MASTL: variants seen among roughly 807,000 people sequenced by gnomAD.
MASTL encodes the protein microtubule associated serine/threonine kinase like.
MASTL carries 54 observed loss-of-function variants against 82.5 expected under a neutral mutation model. That is an observed-to-expected ratio of 0.65 (90% CI 0.53 to 0.82). MASTL has a LOEUF of 0.82. MASTL is among the 40% of genes least tolerant of loss of function. The pLI is 0.00. For synonymous variants in MASTL, 323 were observed against 368.9 expected, an observed-to-expected ratio of 0.88 and a Z score of 1.43; for missense variants, 950 against 1,047.8, an observed-to-expected ratio of 0.91 and a Z score of 1.29.
intron 9 of MASTL, among the ~76,000 whole-genome samples, chr10:27,175,238 A>C (rs1165236561): frequency 6.6e-6 from 1 of 151,964 alleles, no homozygotes; most frequent in Non-Finnish European, 1.5e-5. Flanking sequence ...GCTGGAGTGC[A>C]GTGGCACGAT....
intron 1 of MASTL, among the ~76,000 whole-genome samples, chr10:27,158,246 G>T (rs2057457963): frequency 6.6e-6 from 1 of 152,226 alleles, no homozygotes; most frequent in Non-Finnish European, 1.5e-5. Flanking sequence ...AAGGCAGGGA[G>T]CTGTGGCTTC....
chr10:27,155,378 C>CT lies in MASTL; in HGVS notation c.-48dup, dbSNP rs1156927084. Reference sequence around the variant, plus strand: ...CTTTGAACCCAGTTGGCGGGAGTGGCTGCTCGCGGAGGGGCAGTGTCTGCG... The same window carrying CT: ...CTTTGAACCCAGTTGGCGGGAGTGGCTTGCTCGCGGAGGGGCAGTGTCTGCG... On this transcript the variant is annotated 5_prime_UTR_variant, in exon 1 of 12. Transcript: ENST00000375940. 6.5e-7 allele frequency: 1 copy of CT among 1,538,140 alleles called. No homozygotes were observed. Among genetic ancestry groups the CT allele is most frequent in the African/African-American group, 1.4e-5 (1 of 73,080 alleles).
intron 11 of MASTL, among the ~76,000 whole-genome samples, chr10:27,184,181 C>T (rs2058496920): frequency 6.6e-6 from 1 of 152,146 alleles, no homozygotes; most frequent in South Asian, 2.1e-4. Flanking sequence ...ACAGACACAA[C>T]ATAATGTCAT....
chr10:27,179,679 G>A (rs1259231966), intron 9 of MASTL, among the ~76,000 whole-genome samples: 4 of 152,142 alleles, frequency 2.6e-5, no homozygotes, highest in African/African-American at 9.7e-5. Context: ...TGAAACCATA[G>A]TTTAAGTGAA....
rs769851648 is a variant in MASTL, at chr10:27,170,259, T to C, written c.1300T>C (p.Ser434Pro). ...NQWAVDSGGI[S>P]EEHLGKRSLK... ...GTGGGCTGTGGATTCTGGTGGGATA[T>C]CTGAAGAGCACCTTGGGAAAAGAAG... The change falls in exon 8 of 12, where the codon TCT becomes CCT. Residue 434 changes from serine (S) to proline (P), a missense_variant. Ser to Pro is a moderately conservative substitution (Grantham distance 74). Coordinates refer to ENST00000375940, the MANE Select transcript of MASTL (RefSeq NM_001172303.3). The C allele has an allele frequency of 1.2e-6, 2 of 1,614,000 alleles. No individual in the cohort carries two copies. Among genetic ancestry groups the C allele is most frequent in the South Asian group, 2.2e-5 (2 of 91,090 alleles).
At chr10:27,180,152 G>T (rs187077720) in intron 9 of MASTL, among the ~76,000 whole-genome samples, 268 of 152,284 alleles carry the variant, frequency 1.8e-3, no homozygotes, top group African/African-American at 6.3e-3. Flanking sequence ...GGCTGATGGC[G>T]TGGGCAATAA....
chr10:27,175,649 G>A (rs1000072928), intron 9 of MASTL, among the ~76,000 whole-genome samples: 1 of 152,104 alleles, frequency 6.6e-6, no homozygotes, highest in Non-Finnish European at 1.5e-5. Context: ...CGTGCTCCAT[G>A]TTCATCTCAT....
intron 4 of MASTL, among the ~76,000 whole-genome samples, chr10:27,161,981 T>C (rs1477329846): frequency 6.6e-6 from 1 of 152,206 alleles, no homozygotes; most frequent in Admixed American, 6.5e-5. Context: ...CTGTGTTCTT[T>C]TCACTAGTAG....
At chr10:27,162,358 A>G (rs1308927594) in intron 4 of MASTL, among the ~76,000 whole-genome samples, 1 of 152,170 alleles carries the variant, frequency 6.6e-6, no homozygotes, top group Non-Finnish European at 1.5e-5. Context: ...TTGATTATCA[A>G]CTTAGAAACA....
chr10:27,157,966 G>A (rs917452691), intron 1 of MASTL, among the ~76,000 whole-genome samples: 1 of 152,170 alleles, frequency 6.6e-6, no homozygotes, highest in African/African-American at 2.4e-5. Context: ...TATCAGAACA[G>A]TGGAACAGAA....
chr10:27,158,513 A>G, intron 1 of MASTL, 36 bp from the exon 2 acceptor site: 4 of 1,510,980 alleles, frequency 2.6e-6, no homozygotes, highest in Non-Finnish European at 3.7e-6. Context: ...CTCAAAATAA[A>G]ATAACATGAT....
chr10:27,173,977 T>G (rs1255714073), intron 9 of MASTL, among the ~76,000 whole-genome samples: 1 of 152,182 alleles, frequency 6.6e-6, no homozygotes, highest in African/African-American at 2.4e-5. Flanking sequence ...AGCCTATTCC[T>G]GTTTAGAACT....
chr10:27,165,745 A>C (rs1040208574), intron 6 of MASTL, among the ~76,000 whole-genome samples: 2 of 151,934 alleles, frequency 1.3e-5, no homozygotes, highest in Non-Finnish European at 2.9e-5. Flanking sequence ...CTTCATCTCT[A>C]CAAAAATTAG....
Position 27,180,945 on chromosome 10 carries a change from G to C in MASTL, c.2267-8G>C. The C allele has an allele frequency of 6.4e-7, 1 of 1,563,992 alleles. No homozygotes were observed. The stretch of plus-strand genomic sequence containing the variant: ...TTGCAACTTTAGCTGTTTCCTCTTC[G>C]ATTACAGGTCCTGCGGTAGACTGGT... On this transcript the variant is annotated splice_polypyrimidine_tract_variant and splice_region_variant and intron_variant, in intron 9 of 11. Transcript: ENST00000375940.
rs781592020 is a variant in MASTL at position 27,165,510 on chromosome 10, C to T, written c.782C>T (p.Thr261Met). 8.1e-6 allele frequency: 13 copies of T among 1,614,000 alleles called. No individual in the cohort carries two copies. The highest frequency in any genetic ancestry group is 1.3e-5 in the African/African-American group (1 of 74,908). Residue 261 changes from threonine (T) to methionine (M), a missense_variant, in exon 6 of 12, where the codon ACG (threonine) becomes ATG (methionine). Coordinates refer to ENST00000375940, the MANE Select transcript of MASTL (RefSeq NM_001172303.3). Reference sequence around the variant, plus strand: ...ATGTCTGTAGATCAAAAGGACACTACGCCTTATTCTAGCAAATTACTAAAA... The same window carrying T: ...ATGTCTGTAGATCAAAAGGACACTATGCCTTATTCTAGCAAATTACTAAAA... ...CPMSVDQKDTTPYSSKLLKSC... is the reference protein window; with the variant it reads ...CPMSVDQKDTMPYSSKLLKSC...
At chr10:27,165,320 C>G in intron 5 of MASTL, 69 bp from the exon 6 acceptor site, 1 of 1,513,206 alleles carries the variant, frequency 6.6e-7, no homozygotes, top group Non-Finnish European at 9.2e-7. Context: ...GGTGGTATAA[C>G]AGTCTATGTA....
intron 1 of MASTL, among the ~76,000 whole-genome samples, chr10:27,157,355 C>T (rs1208562671): frequency 1.3e-5 from 2 of 152,194 alleles, no homozygotes; most frequent in Non-Finnish European, 2.9e-5. Context: ...TTAGCACCCA[C>T]CCTCTTTGTG....
intron 7 of MASTL, among the ~76,000 whole-genome samples, chr10:27,168,890 C>A (rs551087002): frequency 6.6e-6 from 1 of 152,250 alleles, no homozygotes; most frequent in African/African-American, 2.4e-5. Flanking sequence ...GTTTACTATT[C>A]ATTTACACAT....
At position 27,170,900 on chromosome 10, in the gene MASTL, C is replaced by T. The variant is rs1457980535; in HGVS notation, c.1941C>T (p.Ala647=). The change falls in exon 8 of 12, where the codon GCC becomes GCT. Residue 647 remains alanine, a synonymous_variant. Coordinates refer to ENST00000375940, the MANE Select transcript of MASTL (RefSeq NM_001172303.3). Reference sequence around the variant, plus strand: ...CTTTGGAGGTGCTGAAAACGTTAGCCTCTAAAAGAAATGCTGTTGCTTTTC... The same window carrying T: ...CTTTGGAGGTGCTGAAAACGTTAGCTTCTAAAAGAAATGCTGTTGCTTTTC... The part of the protein sequence containing the change: ...GPPLEVLKTL[A]SKRNAVAFRS... The T allele has an allele frequency of 3.7e-6, 6 of 1,614,130 alleles. No homozygotes were observed. Among genetic ancestry groups the T allele is most frequent in the Admixed American group, 1.7e-5 (1 of 60,012 alleles).
Sources: gnomAD v4.1 joint callset for allele counts (sites outside exome capture counted in the v4.1 genomes callset) on GRCh38, gnomAD v4.1.1 for gene constraint, MANE v1.5 for transcripts, NCBI Gene and HGNC (gene_info 2026-07-23, HGNC 2026-07-21) for gene names.